Variants in NUP62 observed in about 807,000 individuals in gnomAD.
The protein encoded by NUP62 is nucleoporin 62.
For missense variants in NUP62, 647 were observed against 689.4 expected, an observed-to-expected ratio of 0.94 and a Z score of 0.69; for synonymous variants, 305 against 303.4, an observed-to-expected ratio of 1.01 and a Z score of -0.05.
intron 1 of NUP62, chr19:49,928,623 G>A (rs1600579798): frequency 2.0e-5 from 3 of 152,154 alleles, no homozygotes; most frequent in Admixed American, 1.3e-4. Flanking sequence ...CAGGCGAGTT[G>A]ATTTTTCTTA....
intron 2 of NUP62, among the ~76,000 whole-genome samples, chr19:49,910,617 T>C (rs1281564502): frequency 4.0e-5 from 6 of 151,146 alleles, no homozygotes; most frequent in Non-Finnish European, 8.8e-5. Flanking sequence ...CCTGTAGGTG[T>C]GGTGTGGAGG....
At chr19:49,920,697 G>A (rs1450720688) in intron 2 of NUP62, among the ~76,000 whole-genome samples, 1 of 152,232 alleles carries the variant, frequency 6.6e-6, no homozygotes, top group East Asian at 1.9e-4. Flanking sequence ...GGCCGGTAAT[G>A]CTGGTTGAGA....
At position 49,909,114 on chromosome 19, in the gene NUP62, A is replaced by G; in HGVS notation, c.694T>C (p.Ser232Pro). The G allele has an allele frequency of 6.2e-7, 1 of 1,612,362 alleles. No homozygotes were observed. Among genetic ancestry groups the G allele is most frequent in the South Asian group, 1.1e-5 (1 of 91,072 alleles). Residue 232 changes from serine to proline, a missense_variant, in exon 3 of 3, where the codon TCT becomes CCT. Ser to Pro is a moderately conservative substitution (Grantham distance 74). Transcript: ENST00000352066. ...FASIATAPTS[S>P]ATTGLSLCTP... ...CAGAGGGAGAGTCCAGTGGTGGCAG[A>G]TGAGGTTGGAGCAGTTGCTATTGAC...
intron 2 of NUP62, among the ~76,000 whole-genome samples, chr19:49,913,779 T>C (rs1420158101): frequency 6.6e-6 from 1 of 152,124 alleles, no homozygotes; most frequent in African/African-American, 2.4e-5. Flanking sequence ...CGCAGGGTGG[T>C]CTTGGGGACT....
Position 49,907,282 on chromosome 19 carries a change from G to A in NUP62, c.*957C>T, listed in dbSNP as rs1054250123. On this transcript the variant is annotated 3_prime_UTR_variant, in exon 3 of 3. Coordinates refer to ENST00000352066, the MANE Select transcript of NUP62 (RefSeq NM_016553.5). Reference sequence around the variant, plus strand: ...GGCCACCTGAGCTTCGGGTAGCTGGGAAGGCTTCCTGGAGGAGGTGAGGCC... The same window carrying A: ...GGCCACCTGAGCTTCGGGTAGCTGGAAAGGCTTCCTGGAGGAGGTGAGGCC... The A allele has an allele frequency of 1.1e-4, 32 of 297,392 alleles. No individual in the cohort carries two copies. The highest frequency in any genetic ancestry group is 5.3e-5 in the South Asian group (2 of 37,854). 18.4% of individuals were successfully genotyped at this position (297,392 alleles called of 1,614,324 possible). A position where few individuals can be genotyped will look rare whatever the true frequency, so the allele number is the denominator to read the frequency against.
chr19:49,913,411 G>A (rs2075531581), intron 2 of NUP62, among the ~76,000 whole-genome samples: 1 of 152,208 alleles, frequency 6.6e-6, no homozygotes, highest in Non-Finnish European at 1.5e-5. Flanking sequence ...AGTCCATGTT[G>A]ACGCTGTGAC....
At chr19:49,928,140 C>T (rs1018401982) in intron 1 of NUP62, 2 of 152,262 alleles carry the variant, frequency 1.3e-5, no homozygotes, top group Non-Finnish European at 2.9e-5. Context: ...AGAAGAATGA[C>T]AGCAGGTGTT....
chr19:49,910,032 G>C (rs2075423629), intron 2 of NUP62, 148 bp from the exon 3 acceptor site: 4 of 624,162 alleles, frequency 6.4e-6, no homozygotes, highest in Non-Finnish European at 1.2e-5. Flanking sequence ...CATCGAGAAG[G>C]ATCCAGAAGC....
At chr19:49,922,088 C>T (rs754103394) in intron 2 of NUP62, among the ~76,000 whole-genome samples, 2 of 152,224 alleles carry the variant, frequency 1.3e-5, no homozygotes, top group African/African-American at 4.8e-5. Context: ...GACCAAACAC[C>T]CCTCCTGACT....
intron 2 of NUP62, among the ~76,000 whole-genome samples, chr19:49,915,391 A>T (rs2075597812): frequency 6.6e-6 from 1 of 152,230 alleles, no homozygotes; most frequent in African/African-American, 2.4e-5. Context: ...CTGGCTTTGA[A>T]GATGAGGGGG....
chr19:49,914,745 T>G (rs2075580373), intron 2 of NUP62, among the ~76,000 whole-genome samples: 4 of 131,646 alleles, frequency 3.0e-5, no homozygotes, highest in African/African-American at 8.5e-5. Context: ...TTTTTTTTTT[T>G]TTTTTTTTTT....
At chr19:49,928,353 T>C (rs576302383) in intron 1 of NUP62, 1 of 152,228 alleles carries the variant, frequency 6.6e-6, no homozygotes, top group East Asian at 1.9e-4. Context: ...CCGTCTCTAC[T>C]AAAAATACAA....
At chr19:49,923,819 C>G (rs749149487) in intron 2 of NUP62, among the ~76,000 whole-genome samples, 10 of 152,230 alleles carry the variant, frequency 6.6e-5, no homozygotes, top group Non-Finnish European at 1.5e-4. Flanking sequence ...GGGGTGTGAA[C>G]CCAGCAGGCT....
Position 49,908,985 on chromosome 19 carries a change from C to T in NUP62, c.823G>A (p.Ala275Thr). The T allele has an allele frequency of 6.2e-7, 1 of 1,609,246 alleles. No homozygotes were observed. Residue 275 changes from alanine to threonine, a missense_variant, in exon 3 of 3, where the codon GCC (alanine) becomes ACC (threonine). By Grantham distance (58) the Ala-to-Thr change is moderately conservative. Transcript: ENST00000352066. ...CTGGTGGTGGTGGCGGTGGCGGTGG[C>T]AGCGGTGGATGTTGTTGTGGAGGTG... ...SGTSTTTSTA[A>T]TATATTTSSS...
intron 1 of NUP62, chr19:49,928,381 G>A (rs2075961536): frequency 6.6e-6 from 1 of 152,168 alleles, no homozygotes; most frequent in Non-Finnish European, 1.5e-5. Flanking sequence ...GCCGGGCGTG[G>A]TGGCGGGCGC....
chr19:49,912,155 T>A (rs1046935009), intron 2 of NUP62, among the ~76,000 whole-genome samples: 1 of 149,914 alleles, frequency 6.7e-6, no homozygotes, highest in Non-Finnish European at 1.5e-5. Context: ...TTGTCTGGCT[T>A]AACAGTTCAC....
At chr19:49,916,791 G>A (rs1253157241) in intron 2 of NUP62, among the ~76,000 whole-genome samples, 1 of 152,088 alleles carries the variant, frequency 6.6e-6, no homozygotes, top group Non-Finnish European at 1.5e-5. Flanking sequence ...AATTAGCCTG[G>A]CATGGTGGCG....
chr19:49,909,487 G>T lies in NUP62; in HGVS notation c.321C>A (p.Ala107=). 6.2e-7 allele frequency: 1 copy of T among 1,614,194 alleles called. No homozygotes were observed. Among genetic ancestry groups the T allele is most frequent in the Non-Finnish European group, 8.5e-7 (1 of 1,180,040 alleles). Residue 107 remains alanine (A), a synonymous_variant, in exon 3 of 3, where the codon GCC becomes GCA. Transcript: ENST00000352066. ...LNLSNTAATP[A]MANPSGFGLG... The stretch of plus-strand genomic sequence containing the variant: ...GCCCAAAGCCGCTGGGGTTTGCCAT[G>T]GCTGGGGTGGCAGCTGTGTTGCTCA...
intron 2 of NUP62, among the ~76,000 whole-genome samples, chr19:49,924,769 G>A (rs2075845484): frequency 6.6e-6 from 1 of 152,192 alleles, no homozygotes; most frequent in Non-Finnish European, 1.5e-5. Flanking sequence ...AGAGCTAAGG[G>A]TGCCAACTGG....
Sources: gnomAD v4.1 joint callset for allele counts (sites outside exome capture counted in the v4.1 genomes callset) on GRCh38, gnomAD v4.1.1 for gene constraint, MANE v1.5 for transcripts, NCBI Gene and HGNC (gene_info 2026-07-23, HGNC 2026-07-21) for gene names.